Variants in FAM135A observed in about 807,000 individuals in gnomAD.
The protein encoded by FAM135A is family with sequence similarity 135 member A.
FAM135A carries 79 observed loss-of-function variants against 146.8 expected under a neutral mutation model. The ratio of observed to expected loss-of-function variants is 0.54; its 90% CI spans 0.45 to 0.65. FAM135A has a LOEUF of 0.65. Ranked by LOEUF, FAM135A falls within the 30% of genes least tolerant of loss-of-function variation. The pLI is 0.00. For missense variants in FAM135A, 1,623 were observed against 1,758.2 expected (o/e 0.92, Z 1.38); for synonymous variants, 562 against 603.6 (o/e 0.93, Z 1.01).
In FAM135A at chr6:70,525,753, T is replaced by A. The variant is rs776666513; in HGVS notation, c.2669T>A (p.Ile890Asn). ...PKCDDTKKSS[I>N]TLQQQSVVFS... Reference sequence around the variant, plus strand: ...TGTGATGATACTAAAAAGTCAAGTATCACTTTGCAACAGCAGAGTGTTGTA... The same window carrying A: ...TGTGATGATACTAAAAAGTCAAGTAACACTTTGCAACAGCAGAGTGTTGTA... The change falls in exon 15 of 22, where the codon ATC becomes AAC. Residue 890 changes from isoleucine to asparagine, a missense_variant. Physicochemically the swap from Ile to Asn is moderately radical, Grantham distance 149 (BLOSUM62 -3). This residue lies in a region of FAM135A where 1,061 missense variants were observed against 1,113.8 expected (regional missense o/e 0.95). Coordinates refer to ENST00000418814, the MANE Select transcript of FAM135A (RefSeq NM_001162529.3). 3 of 1,613,248 alleles carry A rather than the reference T, an allele frequency of 1.9e-6. No individual in the cohort carries two copies. Among genetic ancestry groups the A allele is most frequent in the East Asian group, 2.2e-5 (1 of 44,864 alleles).
chr6:70,553,700 A>AAAAG (rs200835400), intron 20 of FAM135A, among the ~76,000 whole-genome samples: 11,420 of 152,018 alleles, frequency 0.075, 987 homozygotes, highest in African/African-American at 0.21. Context: ...TTTTTTAAAA[A>AAAAG]GAAGCAGATA....
chr6:70,452,074 A>G (rs928347211), intron 4 of FAM135A, among the ~76,000 whole-genome samples: 7 of 151,950 alleles, frequency 4.6e-5, no homozygotes, highest in Non-Finnish European at 1.0e-4. Context: ...TCATTTTGTC[A>G]TTTATAGAAT....
Position 70,559,753 on chromosome 6 carries a change from AC to A in FAM135A, c.4383del (p.Val1462PhefsTer32). On this transcript the variant is annotated frameshift_variant, in exon 22 of 22. Coordinates refer to ENST00000418814, the MANE Select transcript of FAM135A (RefSeq NM_001162529.3). LOFTEE classifies it high-confidence loss of function. Reference sequence around the variant, plus strand: ...CAGAAATGATCCACAACTTGCTTCGACCCGTTCTGCAAAGCAAGGACTGTAA... The same window carrying A: ...CAGAAATGATCCACAACTTGCTTCGACCGTTCTGCAAAGCAAGGACTGTAA... ...YSEMIHNLLR[P>X]VLQSKDCNLV... The A allele has an allele frequency of 6.2e-7, 1 of 1,614,106 alleles. No homozygotes were observed. The highest frequency in any genetic ancestry group is 8.5e-7 in the Non-Finnish European group (1 of 1,180,010).
rs1351076158 is a variant in FAM135A at position 70,560,690 on chromosome 6, T to G, written c.*769T>G. 6.6e-6 allele frequency: 1 copy of G among 152,588 alleles called. No homozygotes were observed. The highest frequency in any genetic ancestry group is 1.5e-5 in the Non-Finnish European group (1 of 67,978). 9.5% of individuals were successfully genotyped at this position (152,588 alleles called of 1,614,324 possible). On this transcript the variant is annotated 3_prime_UTR_variant, in exon 22 of 22. Transcript: ENST00000418814. ...ATTTTTGCTAAATTGGTAATGTTGCTTGAACTTTATGACTACATTTTCTTT... is the reference window on the plus strand; with the variant it reads ...ATTTTTGCTAAATTGGTAATGTTGCGTGAACTTTATGACTACATTTTCTTT...
intron 16 of FAM135A, among the ~76,000 whole-genome samples, chr6:70,529,707 A>G (rs1795423188): frequency 2.0e-5 from 3 of 152,150 alleles, no homozygotes; most frequent in African/African-American, 7.2e-5. Context: ...CTTGTTACCA[A>G]ATCCAATAAA....
rs112643647 is a variant in FAM135A, at chr6:70,531,497, A to G, written c.3776-1663A>G. Among the ~76,000 whole-genome samples the G allele has an allele frequency of 4.2e-3, 644 of 152,312 alleles. 4 individuals are homozygous for G. Among genetic ancestry groups the G allele is most frequent in the African/African-American group, 0.015 (608 of 41,576 alleles). On this transcript the variant is annotated intron_variant, in intron 16 of 21. Coordinates refer to ENST00000418814, the MANE Select transcript of FAM135A (RefSeq NM_001162529.3). ...TTTGAGCACAATGGTTTTGACACCC[A>G]TTGAGTGGAAAGTTTGTTCAACTTT...
chr6:70,522,810 C>G (rs1301582924), intron 13 of FAM135A, among the ~76,000 whole-genome samples: 1 of 152,038 alleles, frequency 6.6e-6, no homozygotes, highest in Non-Finnish European at 1.5e-5. Context: ...TGTATTCCTC[C>G]CTCCTTTTTT....
intron 5 of FAM135A, among the ~76,000 whole-genome samples, chr6:70,465,920 C>T (rs546457648): frequency 1.1e-4 from 16 of 152,316 alleles, no homozygotes; most frequent in African/African-American, 3.4e-4. Context: ...ATTTGACTAA[C>T]TCTTTTTCAT....
At chr6:70,487,246 C>T (rs1297218203) in intron 10 of FAM135A, among the ~76,000 whole-genome samples, 1 of 151,808 alleles carries the variant, frequency 6.6e-6, no homozygotes, top group Non-Finnish European at 1.5e-5. Context: ...ATCAAATCAC[C>T]ACTCTCTGGA....
At chr6:70,543,825 T>A (rs796537301) in intron 20 of FAM135A, among the ~76,000 whole-genome samples, 1 of 152,210 alleles carries the variant, frequency 6.6e-6, no homozygotes, top group Non-Finnish European at 1.5e-5. Flanking sequence ...AAAGAAAATA[T>A]AACTGTAAAG....
intron 13 of FAM135A, 70 bp downstream of exon 13, chr6:70,522,656 A>T: frequency 8.1e-7 from 1 of 1,228,434 alleles, no homozygotes; most frequent in Non-Finnish European, 1.2e-6. Flanking sequence ...CTCAGAATTT[A>T]TCAGTGACAG....
chr6:70,483,803 C>CA (rs777990086), intron 10 of FAM135A, among the ~76,000 whole-genome samples: 34 of 152,104 alleles, frequency 2.2e-4, no homozygotes, highest in Non-Finnish European at 3.5e-4. Context: ...GTCATTTCTA[C>CA]AAAAAAACCC....
chr6:70,520,596 T>G (rs1021233767), intron 12 of FAM135A, among the ~76,000 whole-genome samples: 5 of 152,038 alleles, frequency 3.3e-5, no homozygotes, highest in African/African-American at 1.2e-4. Flanking sequence ...CCAAATAAGT[T>G]TTTTTTTAAT....
Position 70,519,921 on chromosome 6 carries a change from A to ATG in FAM135A, c.1030-2592_1030-2591insTG, listed in dbSNP as rs550414898. On this transcript the variant is annotated intron_variant, in intron 12 of 21. Transcript: ENST00000418814. Reference sequence around the variant, plus strand: ...ATAGGTATGATATGATATATATGATAATAATTTAGTTGTGAATTTTATTTA... The same window carrying ATG: ...ATAGGTATGATATGATATATATGATATGATAATTTAGTTGTGAATTTTATTTA... Among the ~76,000 whole-genome samples, 656 of 148,090 alleles carry ATG rather than the reference A, an allele frequency of 4.4e-3. 3 individuals are homozygous for ATG. The highest frequency in any genetic ancestry group is 0.016 in the African/African-American group (616 of 39,366).
At chr6:70,537,896 G>A (rs1445170254) in intron 19 of FAM135A, among the ~76,000 whole-genome samples, 1 of 152,186 alleles carries the variant, frequency 6.6e-6, no homozygotes, top group Non-Finnish European at 1.5e-5. Flanking sequence ...TAACTAAACT[G>A]TAATTATAGA....
chr6:70,436,792 T>C (rs17634272), intron 4 of FAM135A, among the ~76,000 whole-genome samples: 19,814 of 152,222 alleles, frequency 0.13, 1,529 homozygotes, highest in Middle Eastern at 0.19. Context: ...CCAATAGTAA[T>C]TGAATATCCC....
intron 4 of FAM135A, among the ~76,000 whole-genome samples, chr6:70,442,897 C>T (rs1031818490): frequency 7.9e-5 from 12 of 152,118 alleles, no homozygotes; most frequent in African/African-American, 2.7e-4. Context: ...TATAGTTGTA[C>T]CATAGTTTAT....
In FAM135A at chr6:70,459,946, G is replaced by T. The variant is rs568731063; in HGVS notation, c.157+7375G>T. On this transcript the variant is annotated intron_variant, in intron 5 of 21. Transcript: ENST00000418814. ...CTTGGGAGGCTGAGGCAAGAGAATC[G>T]CTTGAACCTGGGAGGTGGAGGTTGC... Among the ~76,000 whole-genome samples, 36 of 152,240 alleles carry T rather than the reference G, an allele frequency of 2.4e-4. No homozygotes were observed. The South Asian group carries it at 7.3e-3, about 31-fold the overall frequency.
chr6:70,543,771 T>C (rs535933034), intron 20 of FAM135A, among the ~76,000 whole-genome samples: 1 of 152,328 alleles, frequency 6.6e-6, no homozygotes, highest in Non-Finnish European at 1.5e-5. Flanking sequence ...CAAAGTAACA[T>C]TTAATTAGCA....
Sources: gnomAD v4.1 joint callset for allele counts (sites outside exome capture counted in the v4.1 genomes callset) on GRCh38, gnomAD v4.1.1 for gene constraint, gnomAD v4.1.1 regional missense constraint, MANE v1.5 for transcripts, NCBI Gene and HGNC (gene_info 2026-07-23, HGNC 2026-07-21) for gene names.